The following NRG3 variants were observed in gnomAD, a reference collection of about 807,000 sequenced individuals.
NRG3 encodes pro-neuregulin-3, membrane-bound isoform.
Under a neutral mutation model 66.9 loss-of-function variants are expected in NRG3, and 31 were observed. The ratio of observed to expected loss-of-function variants is 0.46; its 90% CI spans 0.35 to 0.63. The LOEUF (loss-of-function observed/expected upper bound fraction) is 0.63, where lower values mean the gene tolerates loss of function less well. Among genes scored for constraint, NRG3 ranks in the 20% least tolerant of loss-of-function variants. The probability of loss-of-function intolerance (pLI) is 0.00; values close to 1 mark genes in which losing one functional copy is unlikely to be tolerated. For synonymous variants in NRG3, 393 were observed against 359.4 expected, an observed-to-expected ratio of 1.09 and a Z score of -1.06; for missense variants, 910 against 878.9, an observed-to-expected ratio of 1.04 and a Z score of -0.45.
At chr10:81,910,507 C>T (rs1038537724) in intron 1 of NRG3, among the ~76,000 whole-genome samples, 1 of 150,968 alleles carries the variant, frequency 6.6e-6, no homozygotes, top group African/African-American at 2.5e-5. Context: ...AAATATTTTG[C>T]TTTGCATATT....
chr10:82,426,364 T>A (rs1286156750), intron 2 of NRG3, among the ~76,000 whole-genome samples: 1 of 152,104 alleles, frequency 6.6e-6, no homozygotes, highest in Non-Finnish European at 1.5e-5. Flanking sequence ...TGACTGTTGT[T>A]GTCTCCAATA....
intron 2 of NRG3, among the ~76,000 whole-genome samples, chr10:82,704,066 T>C (rs1318598205): frequency 1.3e-5 from 2 of 152,138 alleles, no homozygotes; most frequent in African/African-American, 4.8e-5. Flanking sequence ...TATTTCTAAT[T>C]AAATGTGGTA....
chr10:82,217,659 A>G (rs1394557740), intron 1 of NRG3, among the ~76,000 whole-genome samples: 1 of 152,210 alleles, frequency 6.6e-6, no homozygotes, highest in Non-Finnish European at 1.5e-5. Flanking sequence ...GTTGCCTAAC[A>G]GATAGAGTGC....
intron 1 of NRG3, among the ~76,000 whole-genome samples, chr10:82,214,572 C>T (rs1028392130): frequency 2.0e-5 from 3 of 152,150 alleles, no homozygotes; most frequent in Admixed American, 6.5e-5. Flanking sequence ...CCAAGTGATC[C>T]TCACTGTAGT....
rs369498870 is a variant in NRG3, at chr10:82,102,133, CATATATAT to C, written c.823+225997_823+226004del. ...GTATTCATATATATATATGTGTATT[CATATATAT>C]ATATATATATATATATATATATATA... On this transcript the variant is annotated intron_variant, in intron 1 of 8. Coordinates refer to ENST00000372141, the MANE Select transcript of NRG3 (RefSeq NM_001010848.4). Among the ~76,000 whole-genome samples, 213 of 26,246 alleles carry C rather than the reference CATATATAT, an allele frequency of 8.1e-3. 7 individuals carry two copies. The East Asian group carries it at 0.1, about 13-fold the overall frequency. The allele number at this position is 26,246 out of a possible 152,430, so 17.2% of individuals were successfully genotyped here. A position where few individuals can be genotyped will look rare whatever the true frequency, so the allele number is the denominator to read the frequency against.
chr10:82,736,378 C>A (rs1196412425), intron 2 of NRG3, among the ~76,000 whole-genome samples: 1 of 152,164 alleles, frequency 6.6e-6, no homozygotes, highest in African/African-American at 2.4e-5. Flanking sequence ...ATCAAGGTGA[C>A]ATATGTGTGA....
chr10:82,678,235 A>G (rs1361070299), intron 2 of NRG3, among the ~76,000 whole-genome samples: 1 of 152,194 alleles, frequency 6.6e-6, no homozygotes, highest in Non-Finnish European at 1.5e-5. Context: ...TGTGTGAGCA[A>G]CAAGGCTGTT....
intron 2 of NRG3, among the ~76,000 whole-genome samples, chr10:82,376,023 T>C (rs1421033804): frequency 6.6e-6 from 1 of 152,164 alleles, no homozygotes; most frequent in East Asian, 1.9e-4. Context: ...AACCTGTTAG[T>C]CCTTCATGCC....
At chr10:82,038,868 C>G (rs1003280992) in intron 1 of NRG3, among the ~76,000 whole-genome samples, 3 of 151,998 alleles carry the variant, frequency 2.0e-5, no homozygotes, top group African/African-American at 7.2e-5. Context: ...TTCTTGAGCA[C>G]TCCACTTGTC....
intron 1 of NRG3, among the ~76,000 whole-genome samples, chr10:82,332,778 CTT>C (rs1286847135): frequency 6.6e-6 from 1 of 152,068 alleles, no homozygotes; most frequent in African/African-American, 2.4e-5. Context: ...GTCTCAAATG[CTT>C]GGGAAGACAG....
chr10:82,143,357 C>G (rs966194101), intron 1 of NRG3, among the ~76,000 whole-genome samples: 2 of 152,132 alleles, frequency 1.3e-5, no homozygotes, highest in South Asian at 2.1e-4. Context: ...TGCCTCAAGT[C>G]AGGCCAAAAC....
intron 1 of NRG3, among the ~76,000 whole-genome samples, chr10:82,234,826 C>T (rs2133932146): frequency 6.6e-6 from 1 of 152,312 alleles, no homozygotes; most frequent in African/African-American, 2.4e-5. Context: ...GCTGTCTACA[C>T]TCCACCTTAC....
At chr10:81,944,576 G>A (rs1218988874) in intron 1 of NRG3, among the ~76,000 whole-genome samples, 1 of 152,148 alleles carries the variant, frequency 6.6e-6, no homozygotes, top group Non-Finnish European at 1.5e-5. Context: ...AAAACTAAAT[G>A]ATTGGTATAG....
chr10:82,838,647 T>TTATAA (rs1457353358), intron 3 of NRG3, among the ~76,000 whole-genome samples: 2 of 139,948 alleles, frequency 1.4e-5, no homozygotes, highest in African/African-American at 5.4e-5. Context: ...TAATTGAAGT[T>TTATAA]TATAAATAAA....
chr10:81,970,017 A>G (rs1665540298), intron 1 of NRG3, among the ~76,000 whole-genome samples: 1 of 152,178 alleles, frequency 6.6e-6, no homozygotes, highest in South Asian at 2.1e-4. Context: ...AGTGTAAGAC[A>G]TATAGTAGAT....
At chr10:82,373,740 T>C (rs2085040827) in intron 2 of NRG3, among the ~76,000 whole-genome samples, 1 of 152,208 alleles carries the variant, frequency 6.6e-6, no homozygotes, top group Admixed American at 6.5e-5. Context: ...TCTCCTGTGC[T>C]AATTTATAGT....
chr10:82,401,656 A>G (rs1335305799), intron 2 of NRG3, among the ~76,000 whole-genome samples: 1 of 152,132 alleles, frequency 6.6e-6, no homozygotes, highest in South Asian at 2.1e-4. Flanking sequence ...AATAGGGGCT[A>G]TGGAATTCTT....
chr10:82,797,271 C>A (rs2060840189), intron 3 of NRG3, among the ~76,000 whole-genome samples: 1 of 152,300 alleles, frequency 6.6e-6, no homozygotes, highest in South Asian at 2.1e-4. Context: ...TCCTATGGCT[C>A]TCTCTGGGCC....
At chr10:82,776,461 A>G (rs2059915889) in intron 3 of NRG3, among the ~76,000 whole-genome samples, 1 of 152,144 alleles carries the variant, frequency 6.6e-6, no homozygotes, top group South Asian at 2.1e-4. Flanking sequence ...CTGTATGTTC[A>G]TATCTCTCAC....
Sources: allele counts gnomAD v4.1 joint callset (sites outside exome capture counted in the v4.1 genomes callset), GRCh38; gene constraint gnomAD v4.1.1; transcripts MANE v1.5; gene names NCBI Gene and HGNC (gene_info 2026-07-23, HGNC 2026-07-21).